Variants in SCFD2 observed in about 807,000 individuals in gnomAD.
The protein encoded by SCFD2 is sec1 family domain-containing protein 2.
Under a neutral mutation model 58.9 loss-of-function variants are expected in SCFD2, and 54 were observed. The ratio of observed to expected loss-of-function variants is 0.92; its 90% CI spans 0.74 to 1.15. The LOEUF (loss-of-function observed/expected upper bound fraction) is 1.15, where lower values mean the gene tolerates loss of function less well. Ranked by LOEUF, SCFD2 falls within the 50% of genes most tolerant of loss-of-function variation. The pLI is 0.00. For missense variants in SCFD2, 805 were observed against 836.6 expected, an observed-to-expected ratio of 0.96 and a Z score of 0.47; for synonymous variants, 321 against 335.9, an observed-to-expected ratio of 0.96 and a Z score of 0.49.
intron 8 of SCFD2, among the ~76,000 whole-genome samples, chr4:52,874,282 C>T (rs1718418429): frequency 6.6e-6 from 1 of 152,198 alleles, no homozygotes; most frequent in Non-Finnish European, 1.5e-5. Flanking sequence ...TGTGGGACAG[C>T]CGGGCTGTGT....
At chr4:52,992,438 C>T (rs971576715) in intron 5 of SCFD2, among the ~76,000 whole-genome samples, 13 of 152,234 alleles carry the variant, frequency 8.5e-5, no homozygotes, top group Non-Finnish European at 1.3e-4. Context: ...CAGCCTCTGC[C>T]GGGCCGCCAC....
intron 2 of SCFD2, among the ~76,000 whole-genome samples, chr4:53,328,640 G>T (rs1479185600): frequency 2.0e-5 from 3 of 152,044 alleles, no homozygotes; most frequent in Non-Finnish European, 4.4e-5. Context: ...TATCTTACCA[G>T]AAAATATCAA....
chr4:52,911,989 A>C lies in SCFD2; in HGVS notation c.1708-4398T>G, dbSNP rs534325917. 2.6e-5 allele frequency among the ~76,000 whole-genome samples: 4 copies of C among 152,126 alleles called. No individual in the cohort carries two copies. The East Asian group carries it at 7.7e-4, about 29-fold the overall frequency. ...CCTGGCGATGGCCTCTCACCACTTGAAGCTGCCCCTCCTCTAGACTTTTAA... is the reference window on the plus strand; with the variant it reads ...CCTGGCGATGGCCTCTCACCACTTGCAGCTGCCCCTCCTCTAGACTTTTAA... On this transcript the variant is annotated intron_variant, in intron 6 of 8. Transcript: ENST00000401642.
At chr4:53,108,187 A>T (rs1273872067) in intron 5 of SCFD2, among the ~76,000 whole-genome samples, 7 of 152,216 alleles carry the variant, frequency 4.6e-5, no homozygotes, top group Non-Finnish European at 7.3e-5. Context: ...GAACAAAGAC[A>T]CAATGTACCA....
chr4:53,313,243 C>A (rs1158619083), intron 3 of SCFD2, among the ~76,000 whole-genome samples: 2 of 152,038 alleles, frequency 1.3e-5, no homozygotes, highest in East Asian at 3.9e-4. Context: ...CCATTTCAGT[C>A]ACTAATTCGA....
intron 5 of SCFD2, among the ~76,000 whole-genome samples, chr4:53,011,701 C>T (rs1722097034): frequency 6.6e-6 from 1 of 152,166 alleles, no homozygotes; most frequent in African/African-American, 2.4e-5. Flanking sequence ...AACAAGAACA[C>T]CTATCCAGGA....
At chr4:53,247,874 A>C (rs1730156896) in intron 4 of SCFD2, among the ~76,000 whole-genome samples, 2 of 147,752 alleles carry the variant, frequency 1.4e-5, no homozygotes, top group African/African-American at 5.2e-5. Flanking sequence ...TCTCAAAAAA[A>C]AAAAAAAAAA....
At chr4:52,899,470 T>C (rs1719121383) in intron 7 of SCFD2, among the ~76,000 whole-genome samples, 2 of 152,254 alleles carry the variant, frequency 1.3e-5, no homozygotes, top group African/African-American at 4.8e-5. Flanking sequence ...GAATGTTGAA[T>C]ACTGGCCCCC....
At chr4:53,343,303 C>T (rs1733944809) in intron 2 of SCFD2, among the ~76,000 whole-genome samples, 1 of 152,040 alleles carries the variant, frequency 6.6e-6, no homozygotes, top group South Asian at 2.1e-4. Context: ...TACAAGCTAC[C>T]ATCAGAGAAT....
intron 5 of SCFD2, among the ~76,000 whole-genome samples, chr4:53,055,907 C>A (rs1360950648): frequency 1.3e-5 from 2 of 152,258 alleles, no homozygotes; most frequent in Non-Finnish European, 1.5e-5. Context: ...CAGAGCAGAC[C>A]ACCATCAGAA....
At chr4:53,219,282 C>T (rs1459686560) in intron 4 of SCFD2, among the ~76,000 whole-genome samples, 1 of 152,196 alleles carries the variant, frequency 6.6e-6, no homozygotes, top group Non-Finnish European at 1.5e-5. Context: ...CCGTTGGCTC[C>T]ACCCAGTTTC....
chr4:53,164,820 A>AAGAAGAAG (rs1428885909), intron 4 of SCFD2, among the ~76,000 whole-genome samples: 1 of 151,538 alleles, frequency 6.6e-6, no homozygotes, highest in Non-Finnish European at 1.5e-5. Flanking sequence ...GAAGAAGAAG[A>AAGAAGAAG]AGAAGAAGAA....
At chr4:53,152,325 A>G in intron 4 of SCFD2, among the ~76,000 whole-genome samples, 1 of 152,190 alleles carries the variant, frequency 6.6e-6, no homozygotes, top group Middle Eastern at 3.2e-3. Flanking sequence ...AATTCACAGT[A>G]AATCCGTATC....
intron 5 of SCFD2, among the ~76,000 whole-genome samples, chr4:53,019,563 A>G (rs1258256142): frequency 6.6e-6 from 1 of 152,214 alleles, no homozygotes; most frequent in African/African-American, 2.4e-5. Context: ...CAGGAGAAGA[A>G]ATAAGGAGTA....
At chr4:53,227,050 C>T (rs141123227) in intron 4 of SCFD2, among the ~76,000 whole-genome samples, 6 of 152,246 alleles carry the variant, frequency 3.9e-5, no homozygotes, top group East Asian at 1.9e-4. Context: ...TGTCTTCCTG[C>T]GAAAGAAGAT....
intron 5 of SCFD2, among the ~76,000 whole-genome samples, chr4:53,073,960 G>A (rs1216846718): frequency 6.6e-6 from 1 of 152,128 alleles, no homozygotes; most frequent in Non-Finnish European, 1.5e-5. Context: ...TGAAAGTTGG[G>A]ATAGTTGTGG....
intron 2 of SCFD2, among the ~76,000 whole-genome samples, chr4:53,342,888 T>A (rs1017294086): frequency 4.1e-4 from 62 of 152,152 alleles, no homozygotes; most frequent in African/African-American, 1.4e-3. Context: ...AAGGCAGAAA[T>A]AAAGATGTTC....
chr4:53,018,380 G>A (rs1300434613), intron 5 of SCFD2, among the ~76,000 whole-genome samples: 1 of 151,998 alleles, frequency 6.6e-6, no homozygotes, highest in East Asian at 1.9e-4. Context: ...TAAATCTTAC[G>A]GCAAATCCAA....
At chr4:53,251,425 A>T (rs1169550378) in intron 4 of SCFD2, among the ~76,000 whole-genome samples, 1 of 152,226 alleles carries the variant, frequency 6.6e-6, no homozygotes, top group African/African-American at 2.4e-5. Flanking sequence ...GCAGAGACAC[A>T]ACAAAAAAAG....
Sources: gnomAD v4.1 joint callset for allele counts (sites outside exome capture counted in the v4.1 genomes callset) on GRCh38, gnomAD v4.1.1 for gene constraint, MANE v1.5 for transcripts, NCBI Gene and HGNC (gene_info 2026-07-23, HGNC 2026-07-21) for gene names.